Variants in SLC4A3 observed in about 807,000 individuals in gnomAD.
The protein encoded by SLC4A3 is anion exchange protein 3.
Under a neutral mutation model 114.2 loss-of-function variants are expected in SLC4A3, and 47 were observed. The observed-to-expected ratio is 0.41, with a 90% CI of 0.33 to 0.52. The LOEUF (loss-of-function observed/expected upper bound fraction) is 0.52, where lower values mean the gene tolerates loss of function less well. Ranked by LOEUF, SLC4A3 falls within the 20% of genes least tolerant of loss-of-function variation. The probability of loss-of-function intolerance (pLI) is 0.21; values close to 1 mark genes in which losing one functional copy is unlikely to be tolerated. For missense variants in SLC4A3, 1,312 were observed against 1,668.3 expected (o/e 0.79, Z 3.72); for synonymous variants, 693 against 710.3 (o/e 0.98, Z 0.39).
At position 219,641,680 on chromosome 2, in the gene SLC4A3, C is replaced by G. The variant is rs369285267; in HGVS notation, c.3651C>G (p.Phe1217Leu). The change falls in exon 23 of 23, where the codon TTC becomes TTG. Residue 1217 changes from phenylalanine (F) to leucine (L), a missense_variant. By Grantham distance (22) the Phe-to-Leu change is conservative (BLOSUM62 0). This residue lies in a region of SLC4A3 where 301 missense variants were observed against 460.7 expected (regional missense o/e 0.65). Coordinates refer to ENST00000358055, the MANE Select transcript of SLC4A3 (RefSeq NM_005070.4). The surrounding 1 kb of genome is among the most constrained non-coding windows in gnomAD (Gnocchi z 4.0). ...ALDSEDAEPN[F>L]DEDGQDEYNE... ...ACTCGGAAGATGCTGAACCAAACTT[C>G]GATGAGGATGGCCAGGATGAGTACA... The G allele has an allele frequency of 6.2e-7, 1 of 1,614,132 alleles. No individual in the cohort carries two copies. The highest frequency in any genetic ancestry group is 1.1e-5 in the South Asian group (1 of 91,078).
rs201306555 is a variant in SLC4A3 at position 219,632,035 on chromosome 2, C to T, written c.879C>T (p.Gly293=). The part of the protein sequence containing the change: ...HLVKKPSRTQ[G]GRGSPSGLAP... The stretch of plus-strand genomic sequence containing the variant: ...TGAAAAAGCCCTCCCGGACGCAGGG[C>T]GGGAGGGGCAGTCCCAGCGGCCTGG... The change falls in exon 7 of 23, where the codon GGC becomes GGT. Residue 293 remains glycine (G), a synonymous_variant. Coordinates refer to ENST00000358055, the MANE Select transcript of SLC4A3 (RefSeq NM_005070.4). 37 of 1,613,582 alleles carry T rather than the reference C, an allele frequency of 2.3e-5. No individual in the cohort carries two copies. Among genetic ancestry groups the T allele is most frequent in the South Asian group, 1.5e-4 (14 of 91,050 alleles).
Position 219,633,082 on chromosome 2 carries a change from G to T in SLC4A3, c.1277+73G>T. On this transcript the variant is annotated intron_variant, in intron 9 of 22. Coordinates refer to ENST00000358055, the MANE Select transcript of SLC4A3 (RefSeq NM_005070.4). ...TCCAGGAGCACATCCTCTTCCAAGT[G>T]GCTCCCAGCCTCTGCTTGAATGCCA... is the stretch of plus-strand genomic sequence containing the variant. 2.6e-6 allele frequency: 4 copies of T among 1,566,060 alleles called. No homozygotes were observed. In the South Asian group the frequency reaches 4.5e-5, roughly 18 times the overall value.
chr2:219,629,755 C>T, intron 5 of SLC4A3, 60 bp downstream of exon 5: 1 of 1,174,516 alleles, frequency 8.5e-7, no homozygotes, highest in Non-Finnish European at 1.2e-6. Flanking sequence ...TCCAGAGCTC[C>T]TGGCAGTCAC....
Position 219,637,715 on chromosome 2 carries a change from C to T in SLC4A3, c.2670C>T (p.Pro890=). ...TEGPPSPRNQ[P]NTALLSLILM... The stretch of plus-strand genomic sequence containing the variant: ...GCCCCCCCAGCCCGAGGAACCAGCC[C>T]AATACGGCACTGCTCTCACTCATCC... Residue 890 remains proline (P), a synonymous_variant, in exon 17 of 23, where the codon CCC becomes CCT. Transcript: ENST00000358055. The surrounding 1 kb of genome is among the most constrained non-coding windows in gnomAD (Gnocchi z 4.6). 2 of 1,613,854 alleles carry T rather than the reference C, an allele frequency of 1.2e-6. No individual in the cohort carries two copies. The highest frequency in any genetic ancestry group is 1.1e-5 in the South Asian group (1 of 91,078).
rs1698904684 is a variant in SLC4A3 at position 219,631,161 on chromosome 2, C to G, written c.812-807C>G. The G allele has an allele frequency of 2.5e-6, 3 of 1,180,378 alleles. No individual in the cohort carries two copies. Among genetic ancestry groups the G allele is most frequent in the Non-Finnish European group, 3.2e-6 (3 of 927,836 alleles). The allele number at this position is 1,180,378 out of a possible 1,614,324, so 73.1% of individuals were successfully genotyped here. On this transcript the variant is annotated intron_variant, in intron 6 of 22. Transcript: ENST00000358055. This position sits in a 1 kb window ranked among gnomAD's most constrained non-coding sequence, Gnocchi z 6.3. Reference sequence around the variant, plus strand: ...TCAGCTCTGGTTGGACAGAAGCCACCCCGTCCAGGCTCCCACCTTGTAGGA... The same window carrying G: ...TCAGCTCTGGTTGGACAGAAGCCACGCCGTCCAGGCTCCCACCTTGTAGGA...
chr2:219,633,619 T>C (rs1168564607), intron 10 of SLC4A3, among the ~76,000 whole-genome samples, 162 bp downstream of exon 10: 1 of 152,220 alleles, frequency 6.6e-6, no homozygotes, highest in Non-Finnish European at 1.5e-5. Context: ...GTCCCTGCCC[T>C]GAGACGCAGG....
In SLC4A3 at chr2:219,637,635, G is replaced by A. The variant is rs1355967764; in HGVS notation, c.2590G>A (p.Gly864Arg). Residue 864 changes from glycine to arginine, a missense_variant, in exon 17 of 23, where the codon GGG (glycine) becomes AGG (arginine). Around this residue, in one of 4 missense-constraint regions of SLC4A3, gnomAD observed 771 missense variants for 977.7 expected, o/e 0.79. Coordinates refer to ENST00000358055, the MANE Select transcript of SLC4A3 (RefSeq NM_005070.4). This position sits in a 1 kb window ranked among gnomAD's most constrained non-coding sequence, Gnocchi z 4.6. ...CTACCCCCCTGAGGGGGCCCTGGAG[G>A]GGTCCCTGGATGCTGGTCTGGAGCC... ...PFYPPEGALE[G>R]SLDAGLEPNG... 1 of 1,612,978 alleles carries A rather than the reference G, an allele frequency of 6.2e-7. No homozygotes were observed.
rs1698783633 is a variant in SLC4A3 at position 219,628,132 on chromosome 2, G to A, written c.51+89G>A. 2 of 1,102,110 alleles carry A rather than the reference G, an allele frequency of 1.8e-6. No individual in the cohort carries two copies. Among genetic ancestry groups the A allele is most frequent in the Non-Finnish European group, 1.3e-6 (1 of 794,960 alleles). 68.3% of individuals were successfully genotyped at this position (1,102,110 alleles called of 1,614,324 possible). On this transcript the variant is annotated intron_variant, in intron 2 of 22. Coordinates refer to ENST00000358055, the MANE Select transcript of SLC4A3 (RefSeq NM_005070.4). The surrounding 1 kb of genome is among the most constrained non-coding windows in gnomAD (Gnocchi z 4.8). ...GCAGAGGAGTCCTCTGGCCGACCCC[G>A]GGACCCCCCAGATCCAGGGATGAGC...
intron 1 of SLC4A3, 25 bp from the exon 2 acceptor site, chr2:219,627,875 A>T: frequency 1.3e-6 from 1 of 795,780 alleles, no homozygotes; most frequent in Non-Finnish European, 2.0e-6. Context: ...AGCGCAAGGA[A>T]CCTGACCCCG....
At chr2:219,632,466 G>A (rs201321113) in intron 8 of SLC4A3, 24 bp downstream of exon 8, 4 of 1,563,782 alleles carry the variant, frequency 2.6e-6, no homozygotes, top group Non-Finnish European at 3.5e-6. Context: ...GGCCTGGCCC[G>A]AGGCTGCAAG....
chr2:219,635,762 G>A lies in SLC4A3; in HGVS notation c.2062G>A (p.Asp688Asn). 6.3e-7 allele frequency: 1 copy of A among 1,595,610 alleles called. No homozygotes were observed. Among genetic ancestry groups the A allele is most frequent in the South Asian group, 1.1e-5 (1 of 88,002 alleles). ...CTCGGTATTTGGGGGGCTTGTGCGG[G>A]ATGTGAGGCGCCGGTACCCGCACTA... ...TGSVFGGLVRDVRRRYPHYPS... is the reference protein window; with the variant it reads ...TGSVFGGLVRNVRRRYPHYPS... The change falls in exon 14 of 23, where the codon GAT becomes AAT. Residue 688 changes from aspartate to asparagine, a missense_variant. Coordinates refer to ENST00000358055, the MANE Select transcript of SLC4A3 (RefSeq NM_005070.4).
rs2106209280 is a variant in SLC4A3 at position 219,641,901 on chromosome 2, C to T, written c.*173C>T. Reference sequence around the variant, plus strand: ...CCTGACTTCTGCCCGGGGTGTTGACCTCGCCTCACCTTTCACAGACCAGAC... The same window carrying T: ...CCTGACTTCTGCCCGGGGTGTTGACTTCGCCTCACCTTTCACAGACCAGAC... On this transcript the variant is annotated 3_prime_UTR_variant, in exon 23 of 23. Coordinates refer to ENST00000358055, the MANE Select transcript of SLC4A3 (RefSeq NM_005070.4). This position sits in a 1 kb window ranked among gnomAD's most constrained non-coding sequence, Gnocchi z 4.0. The T allele has an allele frequency of 3.4e-6, 2 of 593,270 alleles. No individual in the cohort carries two copies. Among genetic ancestry groups the T allele is most frequent in the Middle Eastern group, 8.2e-4 (2 of 2,438 alleles). 36.8% of individuals were successfully genotyped at this position (593,270 alleles called of 1,614,324 possible).
In SLC4A3 at chr2:219,639,692, G is replaced by A. The variant is rs1699250630; in HGVS notation, c.3234G>A (p.Val1078=). 6.2e-7 allele frequency: 1 copy of A among 1,611,440 alleles called. No homozygotes were observed. The highest frequency in any genetic ancestry group is 1.3e-5 in the African/African-American group (1 of 75,032). ...GTGACAAGCCCCAGATCCAGGAGGT[G>A]CGGGAGCAGCGGGTCACTGGTGTGC... ...APGDKPQIQE[V]REQRVTGVLI... Residue 1078 remains valine, a synonymous_variant, in exon 20 of 23, where the codon GTG becomes GTA. Coordinates refer to ENST00000358055, the MANE Select transcript of SLC4A3 (RefSeq NM_005070.4). This position sits in a 1 kb window ranked among gnomAD's most constrained non-coding sequence, Gnocchi z 5.9.
rs955566010 is a variant in SLC4A3 at position 219,639,456 on chromosome 2, C to A, written c.3024-26C>A. 1.2e-6 allele frequency: 2 copies of A among 1,605,212 alleles called. No individual in the cohort carries two copies. Among genetic ancestry groups the A allele is most frequent in the South Asian group, 2.2e-5 (2 of 90,788 alleles). ...CCCTGCCCCTGCCAGGCCAGCCACA[C>A]CCCGCTCCCCACCTTCTCCCTGCAG... On this transcript the variant is annotated intron_variant, in intron 19 of 22. Transcript: ENST00000358055. This position sits in a 1 kb window ranked among gnomAD's most constrained non-coding sequence, Gnocchi z 5.9.
In SLC4A3 at chr2:219,635,508, G is replaced by A; in HGVS notation, c.1972+12G>A. 2 of 1,591,148 alleles carry A rather than the reference G, an allele frequency of 1.3e-6. No individual in the cohort carries two copies. The highest frequency in any genetic ancestry group is 1.7e-6 in the Non-Finnish European group (2 of 1,167,190). On this transcript the variant is annotated intron_variant, in intron 13 of 22. Transcript: ENST00000358055. ...GGCCCCTGGGAAAGGTCAGACCCTT[G>A]GAGGCTGAGTGCCCCCAATACACAC...
At position 219,641,489 on chromosome 2, in the gene SLC4A3, G is replaced by T. The variant is rs1273326127; in HGVS notation, c.3622-162G>T. Among the ~76,000 whole-genome samples the T allele has an allele frequency of 1.3e-5, 2 of 152,120 alleles. No homozygotes were observed. ...ATCTGGTCTGGGAGGTGACCTGAAG[G>T]CTTTGGCCAAGGGCAGTGCTGCCAC... On this transcript the variant is annotated intron_variant, in intron 22 of 22. Coordinates refer to ENST00000358055, the MANE Select transcript of SLC4A3 (RefSeq NM_005070.4). The surrounding 1 kb of genome is among the most constrained non-coding windows in gnomAD (Gnocchi z 4.0).
In SLC4A3 at chr2:219,636,026, A is replaced by AT; in HGVS notation, c.2191+135_2191+136insT. On this transcript the variant is annotated intron_variant, in intron 14 of 22. Transcript: ENST00000358055. The surrounding 1 kb of genome is among the most constrained non-coding windows in gnomAD (Gnocchi z 5.5). ...TAGATGTGCTAGCAAAGGTGTAAGCACCTTACAGAGATGCTGGATCAGGGA... is the reference window on the plus strand; with the variant it reads ...TAGATGTGCTAGCAAAGGTGTAAGCATCCTTACAGAGATGCTGGATCAGGGA... The AT allele has an allele frequency of 1.3e-6, 1 of 757,924 alleles. No homozygotes were observed. Among genetic ancestry groups the AT allele is most frequent in the Non-Finnish European group, 2.1e-6 (1 of 482,464 alleles). The allele number at this position is 757,924 out of a possible 1,614,324, so 46.9% of individuals were successfully genotyped here. A position where few individuals can be genotyped will look rare whatever the true frequency, so the allele number is the denominator to read the frequency against.
chr2:219,637,693 C>A lies in SLC4A3; in HGVS notation c.2648C>A (p.Pro883His). 1.9e-6 allele frequency: 3 copies of A among 1,612,636 alleles called. No individual in the cohort carries two copies. The highest frequency in any genetic ancestry group is 2.5e-6 in the Non-Finnish European group (3 of 1,178,652). ...AGTGCCCTGCCCCCCACCGAGGGCC[C>A]CCCCAGCCCGAGGAACCAGCCCAAT... ...NGSALPPTEG[P>H]PSPRNQPNTA... The change falls in exon 17 of 23, where the codon CCC becomes CAC. Residue 883 changes from proline to histidine, a missense_variant. Pro to His is a moderately conservative substitution (Grantham distance 77, BLOSUM62 -2). Transcript: ENST00000358055. This position sits in a 1 kb window ranked among gnomAD's most constrained non-coding sequence, Gnocchi z 4.6.
intron 8 of SLC4A3, among the ~76,000 whole-genome samples, 187 bp downstream of exon 8, chr2:219,632,629 C>G (rs1215453371): frequency 6.6e-6 from 1 of 152,260 alleles, no homozygotes; most frequent in African/African-American, 2.4e-5. Context: ...CTGGTGCATG[C>G]AGTCAGTCAA....
Sources: gnomAD v4.1 joint callset for allele counts (sites outside exome capture counted in the v4.1 genomes callset) on GRCh38, gnomAD v4.1.1 for gene constraint, gnomAD v4.1.1 regional missense constraint, Gnocchi (gnomAD v3.1) non-coding constraint, MANE v1.5 for transcripts, NCBI Gene and HGNC (gene_info 2026-07-23, HGNC 2026-07-21) for gene names.